SSH2: variants seen among roughly 807,000 people sequenced by gnomAD.
SSH2 encodes protein phosphatase Slingshot homolog 2.
A neutral mutation model predicts 135.2 loss-of-function variants in SSH2; 37 were observed. The ratio of observed to expected loss-of-function variants is 0.27; its 90% CI spans 0.21 to 0.36. The LOEUF is 0.36. Ranked by LOEUF, SSH2 falls within the 10% of genes least tolerant of loss-of-function variation. The pLI, the probability that SSH2 is intolerant of heterozygous loss-of-function variation, is 1.00. For missense variants in SSH2, 1,408 were observed against 1,765.3 expected (o/e 0.80, Z 3.63); for synonymous variants, 628 against 646.2 (o/e 0.97, Z 0.43).
In SSH2 at chr17:29,777,235, A is replaced by G. The variant is rs896228298; in HGVS notation, c.188+16659T>C. On this transcript the variant is annotated intron_variant, in intron 3 of 15. Transcript: ENST00000540801. ...ACTCCATCTCAAAAAAAAAAAAAAA[A>G]TTTTAAATTCATTATGATTATCAGC... Among the ~76,000 whole-genome samples, 9 of 152,030 alleles carry G rather than the reference A, an allele frequency of 5.9e-5. No individual in the cohort carries two copies. In the South Asian group the frequency reaches 1.5e-3, roughly 25 times the overall value.
rs554040784 is a variant in SSH2 at position 29,652,431 on chromosome 17, C to T, written c.1080-1631G>A. ...TGATTCCTGAAGGGTACAGGCTTTC[C>T]GAGTTGAAAAAATGTTCTAAATGGA... On this transcript the variant is annotated intron_variant, in intron 12 of 15. Transcript: ENST00000540801. 8.2e-4 allele frequency among the ~76,000 whole-genome samples: 125 copies of T among 151,736 alleles called. 1 individual carries two copies. Among genetic ancestry groups the T allele is most frequent in the Non-Finnish European group, 1.6e-3 (112 of 67,956 alleles).
intron 2 of SSH2, among the ~76,000 whole-genome samples, chr17:29,805,683 G>A (rs908557257): frequency 3.9e-5 from 6 of 152,014 alleles, no homozygotes; most frequent in Admixed American, 1.3e-4. Context: ...GTGGGGCCTC[G>A]GAATCAGTAC....
At chr17:29,774,544 C>T (rs534992932) in intron 3 of SSH2, among the ~76,000 whole-genome samples, 1 of 152,314 alleles carries the variant, frequency 6.6e-6, no homozygotes, top group East Asian at 1.9e-4. Context: ...GGATTACAGG[C>T]ATAAGCCACT....
At chr17:29,885,880 A>T (rs1169315438) in intron 1 of SSH2, among the ~76,000 whole-genome samples, 2 of 152,084 alleles carry the variant, frequency 1.3e-5, no homozygotes, top group Non-Finnish European at 2.9e-5. Flanking sequence ...TTCCACCATG[A>T]TTGTGAGGCC....
chr17:29,912,268 T>G (rs2066779081), intron 1 of SSH2, among the ~76,000 whole-genome samples: 2 of 152,210 alleles, frequency 1.3e-5, no homozygotes, highest in Non-Finnish European at 2.9e-5. Flanking sequence ...CAGGAAGATA[T>G]AAACAACTTA....
rs368849084 is a variant in SSH2 at position 29,700,639 on chromosome 17, CATA to C, written c.292+2317_292+2319del. 2.2e-4 allele frequency among the ~76,000 whole-genome samples: 34 copies of C among 152,276 alleles called. No individual in the cohort carries two copies. The East Asian group carries it at 5.8e-3, about 26-fold the overall frequency. On this transcript the variant is annotated intron_variant, in intron 4 of 15. Coordinates refer to ENST00000540801, the MANE Select transcript of SSH2 (RefSeq NM_001282129.2). ...CAGACACTGGCATTTTAATATGTGA[CATA>C]ATGACTCATTATCACAGCAAAAAGT...
intron 12 of SSH2, among the ~76,000 whole-genome samples, chr17:29,652,752 C>A (rs189405789): frequency 1.3e-5 from 2 of 151,984 alleles, no homozygotes; most frequent in African/African-American, 4.8e-5. Flanking sequence ...TCCGCCTCCC[C>A]GTTCAAGCAA....
intron 6 of SSH2, among the ~76,000 whole-genome samples, chr17:29,678,713 C>CTTTTTTTTTTT (rs55889704): frequency 8.9e-6 from 1 of 112,074 alleles, no homozygotes; most frequent in East Asian, 2.6e-4. Context: ...AATACTATTT[C>CTTTTTTTTTTT]TTTTTTTTTT....
intron 12 of SSH2, among the ~76,000 whole-genome samples, chr17:29,651,377 C>T (rs1215545416): frequency 6.6e-6 from 1 of 152,200 alleles, no homozygotes; most frequent in African/African-American, 2.4e-5. Flanking sequence ...AAAAGCCGGA[C>T]TTAAAACTCC....
intron 3 of SSH2, among the ~76,000 whole-genome samples, chr17:29,793,245 C>G (rs2042103082): frequency 6.6e-6 from 1 of 152,048 alleles, no homozygotes; most frequent in African/African-American, 2.4e-5. Flanking sequence ...GGTACTGGCA[C>G]CCTTCTAACA....
intron 3 of SSH2, among the ~76,000 whole-genome samples, chr17:29,746,765 T>A (rs2040778612): frequency 6.6e-6 from 1 of 152,062 alleles, no homozygotes; most frequent in Non-Finnish European, 1.5e-5. Flanking sequence ...AAACTCTCAT[T>A]CAATTTAGCC....
At chr17:29,756,590 G>A (rs1053039763) in intron 3 of SSH2, among the ~76,000 whole-genome samples, 11 of 151,606 alleles carry the variant, frequency 7.3e-5, no homozygotes, top group African/African-American at 2.4e-4. Flanking sequence ...TTACAAGTGT[G>A]AGCCACTGCC....
At chr17:29,769,318 T>C (rs2041516946) in intron 3 of SSH2, among the ~76,000 whole-genome samples, 3 of 152,208 alleles carry the variant, frequency 2.0e-5, no homozygotes, top group Non-Finnish European at 2.9e-5. Context: ...GAAAGAACTC[T>C]TGGGGACCTT....
intron 1 of SSH2, among the ~76,000 whole-genome samples, chr17:29,894,949 G>A (rs2066417217): frequency 6.9e-6 from 1 of 145,382 alleles, no homozygotes; most frequent in Non-Finnish European, 1.5e-5. Flanking sequence ...TGGTTTTCAA[G>A]ACAAAATTCA....
intron 3 of SSH2, among the ~76,000 whole-genome samples, chr17:29,738,470 A>G (rs2040443014): frequency 6.6e-6 from 1 of 151,912 alleles, no homozygotes; most frequent in South Asian, 2.1e-4. Context: ...GTCAAATGGT[A>G]TTTCTAGTTC....
chr17:29,704,504 C>T (rs913674576), intron 3 of SSH2, among the ~76,000 whole-genome samples: 4 of 151,990 alleles, frequency 2.6e-5, no homozygotes, highest in South Asian at 4.2e-4. Flanking sequence ...GAGTTTGAGA[C>T]CAGGCTAGGC....
At chr17:29,740,187 A>C (rs2040508206) in intron 3 of SSH2, among the ~76,000 whole-genome samples, 1 of 152,190 alleles carries the variant, frequency 6.6e-6, no homozygotes, top group Non-Finnish European at 1.5e-5. Context: ...GCTATGTAAA[A>C]CAGATGAGCT....
At chr17:29,778,911 T>C (rs549796277) in intron 3 of SSH2, among the ~76,000 whole-genome samples, 36 of 151,352 alleles carry the variant, frequency 2.4e-4, no homozygotes, top group African/African-American at 8.0e-4. Context: ...AAATAATCAT[T>C]TGAGTTTTTA....
In SSH2 at chr17:29,929,923, C is replaced by T. The variant is rs1000538162; in HGVS notation, c.63+15G>A. The T allele has an allele frequency of 6.3e-7, 1 of 1,588,240 alleles. No individual in the cohort carries two copies. Among genetic ancestry groups the T allele is most frequent in the Non-Finnish European group, 8.6e-7 (1 of 1,168,456 alleles). On this transcript the variant is annotated intron_variant, in intron 1 of 15. Coordinates refer to ENST00000540801, the MANE Select transcript of SSH2 (RefSeq NM_001282129.2). Reference sequence around the variant, plus strand: ...GTGACAGAAGCAAGCGGAGCGGCCGCCAGGAAGGACTCACCGAGGCGCAGG... The same window carrying T: ...GTGACAGAAGCAAGCGGAGCGGCCGTCAGGAAGGACTCACCGAGGCGCAGG...
Sources: allele counts gnomAD v4.1 joint callset (sites outside exome capture counted in the v4.1 genomes callset), GRCh38; gene constraint gnomAD v4.1.1; transcripts MANE v1.5; gene names NCBI Gene and HGNC (gene_info 2026-07-23, HGNC 2026-07-21).